Variants in ETV6 observed in about 807,000 individuals in gnomAD.
ETV6 encodes the protein transcription factor ETV6.
In ETV6, 16 loss-of-function variants were observed where a neutral mutation model predicts 51.1. The ratio of observed to expected loss-of-function variants is 0.31; its 90% confidence interval spans 0.21 to 0.48. ETV6 has a LOEUF of 0.48. Ranked by LOEUF, ETV6 falls within the 20% of genes least tolerant of loss-of-function variation. ETV6 has a pLI of 0.99. For synonymous variants in ETV6, 240 were observed against 224.1 expected, an observed-to-expected ratio of 1.07 and a Z score of -0.64; for missense variants, 458 against 594.8, an observed-to-expected ratio of 0.77 and a Z score of 2.39.
intron 1 of ETV6, among the ~76,000 whole-genome samples, chr12:11,727,392 C>T (rs750353009): frequency 4.6e-5 from 7 of 152,232 alleles, no homozygotes; most frequent in Non-Finnish European, 7.3e-5. Flanking sequence ...CCCTCTCCCT[C>T]GTGGTGGCAG....
chr12:11,835,447 C>G (rs747226585), intron 2 of ETV6, among the ~76,000 whole-genome samples: 1 of 152,174 alleles, frequency 6.6e-6, no homozygotes, highest in Non-Finnish European at 1.5e-5. Flanking sequence ...GTAAATAAAG[C>G]AAGTTATGTA....
At chr12:11,837,879 A>G (rs1384173759) in intron 2 of ETV6, among the ~76,000 whole-genome samples, 1 of 152,232 alleles carries the variant, frequency 6.6e-6, no homozygotes, top group Non-Finnish European at 1.5e-5. Flanking sequence ...GGAGACCCCA[A>G]AGAGCTTTTG....
chr12:11,849,869 G>A (rs535792175), intron 3 of ETV6, among the ~76,000 whole-genome samples: 3 of 152,216 alleles, frequency 2.0e-5, no homozygotes, highest in East Asian at 3.9e-4. Flanking sequence ...ACACACTATC[G>A]CTGCCAATCA....
At chr12:11,849,041 T>G (rs1946507942) in intron 3 of ETV6, among the ~76,000 whole-genome samples, 1 of 152,256 alleles carries the variant, frequency 6.6e-6, no homozygotes, top group Non-Finnish European at 1.5e-5. Flanking sequence ...CGCATGCTCT[T>G]TATTTTCAGT....
At chr12:11,810,110 C>T (rs1367100909) in intron 2 of ETV6, among the ~76,000 whole-genome samples, 3 of 152,224 alleles carry the variant, frequency 2.0e-5, no homozygotes, top group Admixed American at 2.0e-4. Flanking sequence ...TGAGCCACCG[C>T]ACCTGGCTGG....
intron 1 of ETV6, among the ~76,000 whole-genome samples, chr12:11,681,763 C>T (rs1385814091): frequency 1.3e-5 from 2 of 152,132 alleles, no homozygotes; most frequent in African/African-American, 2.4e-5. Flanking sequence ...TGATGTTCCC[C>T]TCCGTGTCCA....
chr12:11,745,403 C>T lies in ETV6; in HGVS notation c.34-7047C>T, dbSNP rs963680397. ...TTGAAAGGCCTTCCTTCTAGTGCAT[C>T]GGTATCTGTTGCTGGCTCTGTCCTC... On this transcript the variant is annotated intron_variant, in intron 1 of 7. Coordinates refer to ENST00000396373, the MANE Select transcript of ETV6 (RefSeq NM_001987.5). Among the ~76,000 whole-genome samples the T allele has an allele frequency of 2.6e-5, 4 of 152,238 alleles. No homozygotes were observed. In the East Asian group the frequency reaches 5.8e-4, roughly 22 times the overall value.
intron 2 of ETV6, among the ~76,000 whole-genome samples, chr12:11,788,331 TC>T (rs1194856547): frequency 6.6e-6 from 1 of 152,100 alleles, no homozygotes; most frequent in African/African-American, 2.4e-5. Context: ...TGGGCCTTTT[TC>T]CCCCTCCACA....
intron 1 of ETV6, among the ~76,000 whole-genome samples, chr12:11,731,651 A>G (rs1166291317): frequency 6.6e-6 from 1 of 152,324 alleles, no homozygotes; most frequent in Admixed American, 6.5e-5. Context: ...TTAGGTATGA[A>G]AAAGCCCCAC....
At chr12:11,749,741 TCTC>T (rs1865986925) in intron 1 of ETV6, among the ~76,000 whole-genome samples, 1 of 152,016 alleles carries the variant, frequency 6.6e-6, no homozygotes, top group African/African-American at 2.4e-5. Flanking sequence ...TGTGTTTTGT[TCTC>T]CTTGGAACAG....
chr12:11,668,021 G>A (rs1864228566), intron 1 of ETV6, among the ~76,000 whole-genome samples: 1 of 152,002 alleles, frequency 6.6e-6, no homozygotes, highest in African/African-American at 2.4e-5. Flanking sequence ...TTTTTGTGGA[G>A]ACAAGGTCTC....
At chr12:11,691,635 G>A (rs901294869) in intron 1 of ETV6, among the ~76,000 whole-genome samples, 13 of 152,148 alleles carry the variant, frequency 8.5e-5, no homozygotes, top group Middle Eastern at 3.4e-3. Flanking sequence ...TTAACGTCTC[G>A]ACTGCCAGCA....
At chr12:11,791,681 C>T (rs150938064) in intron 2 of ETV6, among the ~76,000 whole-genome samples, 3 of 152,270 alleles carry the variant, frequency 2.0e-5, no homozygotes, top group Non-Finnish European at 4.4e-5. Flanking sequence ...TTTACACTGA[C>T]CCCTTTAATT....
chr12:11,838,424 C>T lies in ETV6; in HGVS notation c.164-716C>T, dbSNP rs140250024. Among the ~76,000 whole-genome samples, 1,417 of 152,306 alleles carry T rather than the reference C, an allele frequency of 9.3e-3. 12 individuals carry two copies. Among genetic ancestry groups the T allele is most frequent in the Middle Eastern group, 0.017 (5 of 294 alleles). ...ACCTCTCAGCCCCTGCTCTGTACCC[C>T]CCTCCTGCCCACTTGGTTCCTACTC... is the stretch of plus-strand genomic sequence containing the variant. On this transcript the variant is annotated intron_variant, in intron 2 of 7. Transcript: ENST00000396373.
intron 2 of ETV6, among the ~76,000 whole-genome samples, chr12:11,819,508 G>T (rs1000580229): frequency 2.0e-5 from 3 of 152,186 alleles, no homozygotes; most frequent in Non-Finnish European, 2.9e-5. Context: ...AATAACAGAT[G>T]CATGTGTACA....
chr12:11,750,188 A>C (rs1865994917), intron 1 of ETV6, among the ~76,000 whole-genome samples: 1 of 152,230 alleles, frequency 6.6e-6, no homozygotes, highest in Non-Finnish European at 1.5e-5. Flanking sequence ...GTAGAAGTGA[A>C]AGCACACCAA....
rs577806945 is a variant in ETV6 at position 11,701,245 on chromosome 12, G to A, written c.33+51085G>A. ...CAGCGCTCTCCAGAACTTTTACATC[G>A]TCCCCAGCTGAAACTCTGTCCCCAG... On this transcript the variant is annotated intron_variant, in intron 1 of 7. Coordinates refer to ENST00000396373, the MANE Select transcript of ETV6 (RefSeq NM_001987.5). 2.6e-4 allele frequency among the ~76,000 whole-genome samples: 39 copies of A among 151,890 alleles called. No individual in the cohort carries two copies. In the South Asian group the frequency reaches 6.2e-3, roughly 24 times the overall value.
chr12:11,796,912 A>T (rs1030585819), intron 2 of ETV6, among the ~76,000 whole-genome samples: 2 of 151,812 alleles, frequency 1.3e-5, no homozygotes, highest in Admixed American at 6.6e-5. Flanking sequence ...TGAGCTTCCC[A>T]TGTATGTGGG....
intron 1 of ETV6, among the ~76,000 whole-genome samples, chr12:11,713,689 T>TGCA (rs1159404225): frequency 6.6e-6 from 1 of 152,226 alleles, no homozygotes; most frequent in Non-Finnish European, 1.5e-5. Context: ...CTGTTGCACT[T>TGCA]GCCTTGCTTT....
Sources: allele counts gnomAD v4.1 joint callset (sites outside exome capture counted in the v4.1 genomes callset), GRCh38; gene constraint gnomAD v4.1.1; transcripts MANE v1.5; gene names NCBI Gene and HGNC (gene_info 2026-07-23, HGNC 2026-07-21).